The following RIMS2 variants were observed in gnomAD, a reference collection of about 807,000 sequenced individuals.
The protein encoded by RIMS2 is regulating synaptic membrane exocytosis protein 2.
A neutral mutation model predicts 174.4 loss-of-function variants in RIMS2; 59 were observed. That is an observed-to-expected ratio of 0.34 (90% CI 0.27 to 0.42). The LOEUF (loss-of-function observed/expected upper bound fraction) is 0.42. Among genes scored for constraint, RIMS2 ranks in the 10% least tolerant of loss-of-function variants. RIMS2 has a pLI of 1.00. For synonymous variants in RIMS2, 606 were observed against 572.5 expected (o/e 1.06, Z -0.84); for missense variants, 1,620 against 1,666.3 (o/e 0.97, Z 0.48).
chr8:103,582,002 C>T (rs2093647248), intron 1 of RIMS2, among the ~76,000 whole-genome samples: 1 of 152,168 alleles, frequency 6.6e-6, no homozygotes, highest in South Asian at 2.1e-4. Flanking sequence ...GGCTACACAG[C>T]TTGTGGCTCC....
At chr8:103,801,364 C>T (rs2098606589) in intron 3 of RIMS2, among the ~76,000 whole-genome samples, 1 of 152,158 alleles carries the variant, frequency 6.6e-6, no homozygotes, top group Admixed American at 6.5e-5. Flanking sequence ...TATCCTTGAG[C>T]ATATGGATAT....
chr8:103,713,946 C>T (rs996784276), intron 2 of RIMS2, among the ~76,000 whole-genome samples: 1 of 152,154 alleles, frequency 6.6e-6, no homozygotes, highest in African/African-American at 2.4e-5. Context: ...AGATCCCACT[C>T]CCAGTCCACA....
chr8:103,694,303 C>A (rs1002019004), intron 1 of RIMS2, among the ~76,000 whole-genome samples: 1 of 152,074 alleles, frequency 6.6e-6, no homozygotes, highest in Non-Finnish European at 1.5e-5. Context: ...TGGTCTGAAA[C>A]CTGAAGGAAG....
chr8:103,919,837 TATC>T (rs2077265628), intron 9 of RIMS2, among the ~76,000 whole-genome samples: 1 of 152,112 alleles, frequency 6.6e-6, no homozygotes, highest in Admixed American at 6.5e-5. Context: ...TCCAAAGTAA[TATC>T]ATGATCACAT....
At chr8:103,712,269 C>T (rs923430452) in intron 2 of RIMS2, among the ~76,000 whole-genome samples, 2 of 151,522 alleles carry the variant, frequency 1.3e-5, no homozygotes, top group Non-Finnish European at 2.9e-5. Context: ...GCCTTGGCCT[C>T]CCAAAGTGCT....
rs895058822 is a variant in RIMS2 at position 104,038,327 on chromosome 8, C to A, written c.3334+23712C>A. Among the ~76,000 whole-genome samples the A allele has an allele frequency of 7.3e-5, 11 of 151,686 alleles. No individual in the cohort carries two copies. In the East Asian group the frequency reaches 2.1e-3, roughly 29 times the overall value. On this transcript the variant is annotated intron_variant, in intron 19 of 23. Coordinates refer to ENST00000504942, the Ensembl canonical transcript of RIMS2. ...TTGTTTTTGTTTTTACAAAGAAATTCTTTATATTTTCTGTCTGAAACAAAG... is the reference window on the plus strand; with the variant it reads ...TTGTTTTTGTTTTTACAAAGAAATTATTTATATTTTCTGTCTGAAACAAAG...
intron 1 of RIMS2, among the ~76,000 whole-genome samples, chr8:103,596,993 A>G (rs1176409895): frequency 3.3e-5 from 5 of 152,106 alleles, no homozygotes; most frequent in Non-Finnish European, 5.9e-5. Flanking sequence ...TTATTTCCAT[A>G]GCATTGTTGT....
chr8:103,798,872 A>G (rs923399733), intron 3 of RIMS2, among the ~76,000 whole-genome samples: 4 of 151,014 alleles, frequency 2.6e-5, no homozygotes, highest in African/African-American at 7.3e-5. Flanking sequence ...TAGATTGTCT[A>G]TGTGGGCCCA....
intron 3 of RIMS2, among the ~76,000 whole-genome samples, chr8:103,860,294 C>T (rs542891825): frequency 6.6e-6 from 1 of 152,244 alleles, no homozygotes; most frequent in South Asian, 2.1e-4. Flanking sequence ...GGCTTTGTTA[C>T]TCCTTAGTGG....
intron 3 of RIMS2, among the ~76,000 whole-genome samples, chr8:103,853,367 A>G (rs1321034475): frequency 2.6e-5 from 4 of 151,964 alleles, no homozygotes; most frequent in Non-Finnish European, 4.4e-5. Flanking sequence ...TTCTTTTGCT[A>G]TGCAGAAACT....
chr8:103,822,587 G>T (rs2098758770), intron 3 of RIMS2, among the ~76,000 whole-genome samples: 1 of 151,786 alleles, frequency 6.6e-6, no homozygotes, highest in African/African-American at 2.4e-5. Flanking sequence ...CATACTGAAA[G>T]TGTTTAGCTT....
chr8:103,711,378 A>G (rs1421328787), intron 2 of RIMS2, among the ~76,000 whole-genome samples: 2 of 152,148 alleles, frequency 1.3e-5, no homozygotes, highest in African/African-American at 2.4e-5. Flanking sequence ...GCAAGATTCT[A>G]TTGCCTCTTC....
At chr8:104,176,439 T>C (rs1225369715) in intron 19 of RIMS2, among the ~76,000 whole-genome samples, 1 of 152,126 alleles carries the variant, frequency 6.6e-6, no homozygotes, top group African/African-American at 2.4e-5. Flanking sequence ...ATTACTGGCC[T>C]GGCATCAAAT....
chr8:104,128,475 T>C (rs918145694), intron 19 of RIMS2, among the ~76,000 whole-genome samples: 17 of 152,180 alleles, frequency 1.1e-4, no homozygotes, highest in African/African-American at 3.9e-4. Context: ...GGTGGGTGGA[T>C]CACCTGAGGT....
intron 2 of RIMS2, among the ~76,000 whole-genome samples, chr8:103,719,784 T>A (rs79960840): frequency 0.01 from 1,543 of 152,292 alleles, 27 homozygotes; most frequent in African/African-American, 0.035. Context: ...ATCTAACTGT[T>A]CATCTGTTAC....
intron 19 of RIMS2, among the ~76,000 whole-genome samples, chr8:104,019,683 T>C (rs1471061655): frequency 1.3e-5 from 2 of 152,216 alleles, no homozygotes; most frequent in African/African-American, 4.8e-5. Flanking sequence ...GAATATCTAC[T>C]ATCTAACTTT....
At chr8:103,787,310 C>T (rs909832773) in intron 3 of RIMS2, among the ~76,000 whole-genome samples, 1 of 151,700 alleles carries the variant, frequency 6.6e-6, no homozygotes, top group Admixed American at 6.6e-5. Context: ...CTGATCTTGT[C>T]GTTATGATGT....
chr8:103,960,026 A>G (rs539072811), intron 14 of RIMS2, among the ~76,000 whole-genome samples: 1 of 149,160 alleles, frequency 6.7e-6, no homozygotes, highest in East Asian at 1.9e-4. Context: ...AAGGAGATAG[A>G]GACACAAAAA....
chr8:103,830,111 G>A (rs138027778), intron 3 of RIMS2, among the ~76,000 whole-genome samples: 59 of 151,946 alleles, frequency 3.9e-4, no homozygotes, highest in African/African-American at 1.4e-3. Flanking sequence ...TTCTGATATT[G>A]TTATTTTGTG....
Sources: allele counts gnomAD v4.1 joint callset (sites outside exome capture counted in the v4.1 genomes callset), GRCh38; gene constraint gnomAD v4.1.1; transcripts MANE v1.5; gene names NCBI Gene and HGNC (gene_info 2026-07-23, HGNC 2026-07-21).